NF1: variants seen among roughly 807,000 people sequenced by gnomAD.
The protein encoded by NF1 is neurofibromin 1.
In NF1, 122 loss-of-function variants were observed where a neutral mutation model predicts 325.7. The ratio of observed to expected loss-of-function variants is 0.37; its 90% CI spans 0.32 to 0.44. The LOEUF is 0.44. Ranked by LOEUF, NF1 falls within the 20% of genes least tolerant of loss-of-function variation. NF1 has a pLI of 1.00. For synonymous variants in NF1, 1,091 were observed against 1,186.0 expected, an observed-to-expected ratio of 0.92 and a Z score of 1.65; for missense variants, 2,140 against 3,415.4, an observed-to-expected ratio of 0.63 and a Z score of 9.31.
At chr17:31,112,419 TC>T (rs1913494865) in intron 1 of NF1, among the ~76,000 whole-genome samples, 1 of 152,192 alleles carries the variant, frequency 6.6e-6, no homozygotes, top group African/African-American at 2.4e-5. Context: ...TATGAGAGTT[TC>T]AGTTGTTCCA....
intron 12 of NF1, among the ~76,000 whole-genome samples, chr17:31,207,726 G>A (rs2066648910): frequency 6.6e-6 from 1 of 151,944 alleles, no homozygotes; most frequent in Non-Finnish European, 1.5e-5. Context: ...CTGTTTAAAT[G>A]TCATTTAATA....
chr17:31,130,177 C>T (rs1031887494), intron 1 of NF1, among the ~76,000 whole-genome samples: 3 of 150,746 alleles, frequency 2.0e-5, no homozygotes, highest in African/African-American at 7.3e-5. Context: ...GGCCAGGGCT[C>T]ATCTCAGGAC....
chr17:31,312,998 G>A (rs924494306), intron 36 of NF1, among the ~76,000 whole-genome samples: 1 of 152,096 alleles, frequency 6.6e-6, no homozygotes, highest in South Asian at 2.1e-4. Flanking sequence ...ACACGTAGAT[G>A]ATATTAATAT....
chr17:31,186,494 A>G (rs891975813), intron 8 of NF1, among the ~76,000 whole-genome samples: 1 of 152,192 alleles, frequency 6.6e-6, no homozygotes, highest in Non-Finnish European at 1.5e-5. Flanking sequence ...GTGCGATTAT[A>G]TACTGATTCA....
intron 19 of NF1, 100 bp from the exon 20 acceptor site, chr17:31,227,423 C>CT: frequency 7.1e-7 from 1 of 1,412,342 alleles, no homozygotes; most frequent in Non-Finnish European, 1.0e-6. Flanking sequence ...AGTATAATAT[C>CT]TGAGTATTTA....
At chr17:31,182,266 A>G (rs1268339745) in intron 7 of NF1, among the ~76,000 whole-genome samples, 2 of 152,214 alleles carry the variant, frequency 1.3e-5, no homozygotes, top group African/African-American at 2.4e-5. Context: ...GACTGAATAC[A>G]TGATCATCCA....
chr17:31,323,354 C>T (rs531955516), intron 36 of NF1, among the ~76,000 whole-genome samples: 7 of 151,050 alleles, frequency 4.6e-5, no homozygotes, highest in South Asian at 2.1e-4. Flanking sequence ...GTCAAGGCTA[C>T]AGTGAGCTGT....
chr17:31,132,192 A>G (rs1017181560), intron 1 of NF1, among the ~76,000 whole-genome samples: 5 of 152,030 alleles, frequency 3.3e-5, no homozygotes, highest in African/African-American at 1.2e-4. Flanking sequence ...TTGGCTTCCA[A>G]AAGTGCTAGG....
chr17:31,117,053 C>T (rs1290604028), intron 1 of NF1, among the ~76,000 whole-genome samples: 4 of 152,026 alleles, frequency 2.6e-5, no homozygotes, highest in African/African-American at 9.7e-5. Flanking sequence ...GCTATTTTGG[C>T]TCACTGCAAC....
intron 3 of NF1, 151 bp downstream of exon 3, chr17:31,159,244 G>A (rs1480118518): frequency 1.7e-6 from 1 of 600,964 alleles, no homozygotes. Flanking sequence ...TAGCTGACCT[G>A]GTGACAGACA....
rs786202077 is a variant in NF1, at chr17:31,232,088, A to G, written c.3213A>G (p.Ala1071=). The G allele has an allele frequency of 4.0e-5, 52 of 1,316,058 alleles. No homozygotes were observed. Among genetic ancestry groups the G allele is most frequent in the Middle Eastern group, 2.3e-4 (1 of 4,298 alleles). 81.5% of individuals were successfully genotyped at this position (1,316,058 alleles called of 1,614,324 possible). Residue 1071 remains alanine (A), a synonymous_variant, in exon 25 of 58, where the codon GCA becomes GCG. Coordinates refer to ENST00000358273, the MANE Select transcript of NF1 (RefSeq NM_001042492.3). ...VKCLTRDLDQ[A]SMEAVVSLLA... is the part of the protein sequence containing the mutation. ...TTTTTTTCAGAGATTTGGACCAGGC[A>G]AGCATGGAAGCAGTAGTTTCACTTC... is the stretch of plus-strand genomic sequence containing the variant.
At chr17:31,291,496 G>T (rs1221668869) in intron 36 of NF1, among the ~76,000 whole-genome samples, 6 of 152,138 alleles carry the variant, frequency 3.9e-5, no homozygotes, top group Non-Finnish European at 8.8e-5. Flanking sequence ...ATTGGCAATA[G>T]TGGGCATCCT....
chr17:31,321,273 A>G (rs1192252169), intron 36 of NF1, among the ~76,000 whole-genome samples: 1 of 152,146 alleles, frequency 6.6e-6, no homozygotes, highest in Non-Finnish European at 1.5e-5. Context: ...CCAAACTTAG[A>G]TCCTTCGTAA....
At chr17:31,200,326 T>C (rs1012521166) in intron 8 of NF1, 96 bp from the exon 9 acceptor site, 9 of 1,085,034 alleles carry the variant, frequency 8.3e-6, no homozygotes, top group African/African-American at 4.7e-5. Flanking sequence ...CTTTATAGTA[T>C]GAGTTTTAGA....
At chr17:31,225,037 G>A in intron 16 of NF1, 58 bp from the exon 17 acceptor site, 1 of 1,581,398 alleles carries the variant, frequency 6.3e-7, no homozygotes, top group Non-Finnish European at 8.7e-7. Flanking sequence ...TCAAATAAGT[G>A]TTTATTCCTC....
chr17:31,120,963 A>G (rs947385770), intron 1 of NF1, among the ~76,000 whole-genome samples: 4 of 152,226 alleles, frequency 2.6e-5, no homozygotes, highest in African/African-American at 7.2e-5. Context: ...ATAACACAAC[A>G]TATACCAAAA....
At chr17:31,144,079 T>A (rs1916420572) in intron 1 of NF1, among the ~76,000 whole-genome samples, 1 of 152,148 alleles carries the variant, frequency 6.6e-6, no homozygotes, top group African/African-American at 2.4e-5. Flanking sequence ...CGCCTCGGCC[T>A]CCCAAAGTGC....
At chr17:31,145,460 G>A (rs540966298) in intron 1 of NF1, among the ~76,000 whole-genome samples, 1 of 152,232 alleles carries the variant, frequency 6.6e-6, no homozygotes, top group South Asian at 2.1e-4. Context: ...CCAAAGTGCT[G>A]GGATTAGAGG....
chr17:31,369,479 A>G (rs1211850544), intron 57 of NF1, among the ~76,000 whole-genome samples: 2 of 152,208 alleles, frequency 1.3e-5, no homozygotes, highest in Non-Finnish European at 2.9e-5. Context: ...TGACCACAGC[A>G]TATCTGTGGG....
Sources: allele counts gnomAD v4.1 joint callset (sites outside exome capture counted in the v4.1 genomes callset), GRCh38; gene constraint gnomAD v4.1.1; transcripts MANE v1.5; gene names NCBI Gene and HGNC (gene_info 2026-07-23, HGNC 2026-07-21).